Variants in GULP1 observed in about 807,000 individuals in gnomAD.
The protein encoded by GULP1 is GULP PTB domain containing engulfment adaptor 1.
GULP1 carries 19 observed loss-of-function variants against 40.9 expected under a neutral mutation model. The observed-to-expected ratio is 0.46, with a 90% CI of 0.32 to 0.68. GULP1 has a LOEUF of 0.68. Ranked by LOEUF, GULP1 falls within the 30% of genes least tolerant of loss-of-function variation. The pLI, the probability that GULP1 is intolerant of heterozygous loss-of-function variation, is 0.03. For missense variants in GULP1, 312 were observed against 362.2 expected, an observed-to-expected ratio of 0.86 and a Z score of 1.12; for synonymous variants, 119 against 117.6, an observed-to-expected ratio of 1.01 and a Z score of -0.08.
At chr2:188,349,871 A>G (rs1212637396) in intron 1 of GULP1, among the ~76,000 whole-genome samples, 1 of 152,130 alleles carries the variant, frequency 6.6e-6, no homozygotes, top group Admixed American at 6.6e-5. Flanking sequence ...AACTATTGTC[A>G]GTGAAATTTT....
chr2:188,328,949 G>A (rs747794334), intron 1 of GULP1, among the ~76,000 whole-genome samples: 7 of 151,958 alleles, frequency 4.6e-5, no homozygotes, highest in Non-Finnish European at 7.4e-5. Context: ...TCTATGATAC[G>A]GATCAAACAT....
chr2:188,424,737 C>T (rs1457786049), intron 2 of GULP1, among the ~76,000 whole-genome samples: 2 of 151,796 alleles, frequency 1.3e-5, no homozygotes, highest in Non-Finnish European at 2.9e-5. Flanking sequence ...TTATTTTAGT[C>T]TCTTTAATCA....
chr2:188,315,184 C>G (rs1005082746), intron 1 of GULP1, among the ~76,000 whole-genome samples: 6 of 152,100 alleles, frequency 3.9e-5, no homozygotes, highest in African/African-American at 1.4e-4. Context: ...GGAAAAGAAA[C>G]TCAGGCTAGT....
In GULP1 at chr2:188,594,684, A is replaced by G. The variant is rs1230675716; in HGVS notation, c.*673A>G. ...TCTAAATATTTAATTTGTTTTATAA[A>G]GGTAGTGAAAAAATGAAAATTTGCT... On this transcript the variant is annotated 3_prime_UTR_variant, in exon 12 of 12. Transcript: ENST00000409830. 6.6e-6 allele frequency: 1 copy of G among 151,748 alleles called. No individual in the cohort carries two copies. The allele number at this position is 151,748 out of a possible 1,614,324, so 9.4% of individuals were successfully genotyped here.
intron 2 of GULP1, among the ~76,000 whole-genome samples, chr2:188,402,702 C>CG (rs1160993489): frequency 2.0e-5 from 3 of 151,976 alleles, no homozygotes; most frequent in African/African-American, 7.2e-5. Context: ...TCTAGACTAT[C>CG]TATCTGCTTA....
chr2:188,454,241 G>A (rs1282774438), intron 2 of GULP1, among the ~76,000 whole-genome samples: 1 of 152,236 alleles, frequency 6.6e-6, no homozygotes, highest in Non-Finnish European at 1.5e-5. Context: ...GCTCTCAGCA[G>A]AGAGGGGATG....
rs1698703697 is a variant in GULP1 at position 188,570,112 on chromosome 2, G to A, written c.601G>A (p.Ala201Thr). The A allele has an allele frequency of 3.0e-6, 4 of 1,352,302 alleles. No homozygotes were observed. The highest frequency in any genetic ancestry group is 3.1e-6 in the Non-Finnish European group (3 of 957,808). The allele number at this position is 1,352,302 out of a possible 1,614,324, so 83.8% of individuals were successfully genotyped here. The change falls in exon 9 of 12, where the codon GCA becomes ACA. Residue 201 changes from alanine (A) to threonine (T), a missense_variant. Physicochemically the swap from Ala to Thr is moderately conservative, Grantham distance 58. Transcript: ENST00000409830. Reference sequence around the variant, plus strand: ...CCAACTGAGAATAACTCAAGTATCAGCACCTCCAGTGAGTATATTGAATAT... The same window carrying A: ...CCAACTGAGAATAACTCAAGTATCAACACCTCCAGTGAGTATATTGAATAT... The part of the protein sequence containing the change: ...ENQLRITQVS[A>T]PPAGSMTPKS...
At chr2:188,422,457 C>A (rs1489939715) in intron 2 of GULP1, among the ~76,000 whole-genome samples, 1 of 151,224 alleles carries the variant, frequency 6.6e-6, no homozygotes, top group Non-Finnish European at 1.5e-5. Flanking sequence ...TAAATATAGA[C>A]CTTCCCCTTA....
intron 2 of GULP1, among the ~76,000 whole-genome samples, chr2:188,391,958 A>G (rs1312173574): frequency 1.3e-5 from 2 of 151,722 alleles, no homozygotes; most frequent in Non-Finnish European, 2.9e-5. Context: ...CTGGGAGAAA[A>G]CCCACTAGAT....
intron 7 of GULP1, among the ~76,000 whole-genome samples, chr2:188,543,591 T>A (rs1691117067): frequency 1.3e-5 from 2 of 152,176 alleles, no homozygotes; most frequent in African/African-American, 4.8e-5. Context: ...TCATTTTAAA[T>A]AGTTTAGCAT....
chr2:188,443,744 TG>T (rs2058144772), intron 2 of GULP1, among the ~76,000 whole-genome samples: 1 of 150,604 alleles, frequency 6.6e-6, no homozygotes, highest in Non-Finnish European at 1.5e-5. Flanking sequence ...TGGAGTGCAA[TG>T]GCACGATCTC....
At chr2:188,325,784 A>G (rs2040673287) in intron 1 of GULP1, among the ~76,000 whole-genome samples, 1 of 152,092 alleles carries the variant, frequency 6.6e-6, no homozygotes. Flanking sequence ...TACTTGGCAC[A>G]TTGACACCAC....
intron 2 of GULP1, among the ~76,000 whole-genome samples, chr2:188,468,165 C>T (rs13386959): frequency 0.13 from 20,167 of 152,038 alleles, 3,311 homozygotes; most frequent in African/African-American, 0.39. Context: ...GTAGAACTGT[C>T]TGTCAGAGAA....
At chr2:188,398,930 C>G (rs975254000) in intron 2 of GULP1, among the ~76,000 whole-genome samples, 4 of 152,134 alleles carry the variant, frequency 2.6e-5, no homozygotes, top group Non-Finnish European at 5.9e-5. Context: ...AAGTGGCTAT[C>G]TTAGAGAAGG....
chr2:188,513,794 T>C (rs2064863572), intron 4 of GULP1, among the ~76,000 whole-genome samples: 3 of 152,098 alleles, frequency 2.0e-5, no homozygotes, highest in African/African-American at 7.2e-5. Flanking sequence ...CGTAATAAAT[T>C]TTGTCTATTT....
At chr2:188,558,208 T>C (rs1283468511) in intron 7 of GULP1, among the ~76,000 whole-genome samples, 1 of 152,146 alleles carries the variant, frequency 6.6e-6, no homozygotes, top group African/African-American at 2.4e-5. Flanking sequence ...TCTTGAATTG[T>C]ACTCCCATAA....
chr2:188,499,596 TACAACCTCCAAGTGCATA>T (rs1257627445), intron 4 of GULP1, among the ~76,000 whole-genome samples: 1 of 151,788 alleles, frequency 6.6e-6, no homozygotes, highest in African/African-American at 2.4e-5. Flanking sequence ...ATAATTGGAA[TACAACCTCCAAGTGCATA>T]AATTACTTGT....
intron 1 of GULP1, among the ~76,000 whole-genome samples, chr2:188,337,132 C>CTATATA (rs1490129816): frequency 1.8e-5 from 2 of 108,200 alleles, no homozygotes; most frequent in African/African-American, 6.2e-5. Context: ...ATATCTATAT[C>CTATATA]TATATCTATC....
chr2:188,415,289 T>C (rs1048315274), intron 2 of GULP1, among the ~76,000 whole-genome samples: 2 of 152,142 alleles, frequency 1.3e-5, no homozygotes, highest in African/African-American at 4.8e-5. Context: ...CTACTTTGGT[T>C]CCTATATCTC....
Sources: gnomAD v4.1 joint callset for allele counts (sites outside exome capture counted in the v4.1 genomes callset) on GRCh38, gnomAD v4.1.1 for gene constraint, MANE v1.5 for transcripts, NCBI Gene and HGNC (gene_info 2026-07-23, HGNC 2026-07-21) for gene names.